CTNNA2: variants seen among roughly 807,000 people sequenced by gnomAD.
The protein encoded by CTNNA2 is catenin alpha 2.
A neutral mutation model predicts 101.0 loss-of-function variants in CTNNA2; 42 were observed. The ratio of observed to expected loss-of-function variants is 0.42; its 90% CI spans 0.32 to 0.54. The LOEUF (loss-of-function observed/expected upper bound fraction) is 0.54, where lower values mean the gene tolerates loss of function less well. CTNNA2 is among the 20% of genes least tolerant of loss of function. CTNNA2 has a pLI of 0.14. For synonymous variants in CTNNA2, 450 were observed against 456.4 expected (o/e 0.99, Z 0.18); for missense variants, 871 against 1,223.1 (o/e 0.71, Z 4.29).
intron 2 of CTNNA2, among the ~76,000 whole-genome samples, chr2:79,709,551 G>A (rs1194192699): frequency 6.6e-6 from 1 of 152,026 alleles, no homozygotes; most frequent in Admixed American, 6.6e-5. Context: ...AGCCAATTTT[G>A]GCTGTTATTA....
chr2:79,986,473 G>T (rs1691771378), intron 7 of CTNNA2, among the ~76,000 whole-genome samples: 1 of 152,090 alleles, frequency 6.6e-6, no homozygotes, highest in Non-Finnish European at 1.5e-5. Context: ...AATTCCCTAA[G>T]CTGTAATAGT....
Position 79,345,099 on chromosome 2 carries a change from G to GT in CTNNA2, c.-317-28723dup, listed in dbSNP as rs1400346592. ...TTGTTAATATTTTATTATGGAATGT[G>GT]TTTTTTTTTAAAAAAAAAAGCAAAA... On this transcript the variant is annotated intron_variant, in intron 3 of 21. Transcript: ENST00000466387. Among the ~76,000 whole-genome samples the GT allele has an allele frequency of 6.1e-3, 291 of 47,498 alleles. 2 individuals are homozygous for GT. The highest frequency in any genetic ancestry group is 0.013 in the African/African-American group (248 of 18,448). The allele number at this position is 47,498 out of a possible 152,430, so 31.2% of individuals were successfully genotyped here. A position where few individuals can be genotyped will look rare whatever the true frequency, so the allele number is the denominator to read the frequency against.
intron 17 of CTNNA2, among the ~76,000 whole-genome samples, chr2:80,615,691 T>C (rs1032275062): frequency 1.3e-5 from 2 of 151,712 alleles, no homozygotes; most frequent in Non-Finnish European, 3.0e-5. Flanking sequence ...TACTGTTGTC[T>C]ACATTCTGTC....
At chr2:79,373,524 C>T (rs918379258) in intron 3 of CTNNA2, among the ~76,000 whole-genome samples, 1 of 152,114 alleles carries the variant, frequency 6.6e-6, no homozygotes, top group Non-Finnish European at 1.5e-5. Flanking sequence ...TTGCATTTTT[C>T]AAGCACTCAG....
chr2:79,936,933 C>T (rs748794630), intron 7 of CTNNA2, among the ~76,000 whole-genome samples: 1 of 152,090 alleles, frequency 6.6e-6, no homozygotes, highest in South Asian at 2.1e-4. Context: ...AAGTAAGCCG[C>T]GAAAGAGCCA....
intron 7 of CTNNA2, among the ~76,000 whole-genome samples, chr2:80,308,524 C>G (rs183788289): frequency 6.6e-6 from 1 of 152,182 alleles, no homozygotes; most frequent in East Asian, 1.9e-4. Flanking sequence ...GGGCACATAC[C>G]ATACAGCTGG....
intron 15 of CTNNA2, among the ~76,000 whole-genome samples, chr2:80,594,159 C>A (rs575033833): frequency 6.6e-6 from 1 of 152,088 alleles, no homozygotes; most frequent in East Asian, 1.9e-4. Context: ...AACTTGTTTT[C>A]TGTTTTTTTC....
chr2:79,324,660 C>T (rs570567334), intron 3 of CTNNA2, among the ~76,000 whole-genome samples: 3 of 152,196 alleles, frequency 2.0e-5, no homozygotes, highest in African/African-American at 7.2e-5. Context: ...TTCTATGCCC[C>T]CAGGAACTGT....
chr2:79,250,630 G>C (rs928954318), intron 2 of CTNNA2, among the ~76,000 whole-genome samples: 1 of 152,132 alleles, frequency 6.6e-6, no homozygotes, highest in African/African-American at 2.4e-5. Flanking sequence ...GAGTCTCTGG[G>C]ATATCTGCTA....
At chr2:80,381,243 C>A (rs1397507819) in intron 7 of CTNNA2, among the ~76,000 whole-genome samples, 1 of 151,728 alleles carries the variant, frequency 6.6e-6, no homozygotes, top group East Asian at 2.0e-4. Context: ...GAGCACAGAG[C>A]TTGATAAGCT....
intron 7 of CTNNA2, among the ~76,000 whole-genome samples, chr2:79,964,851 G>C (rs1689920449): frequency 6.6e-6 from 1 of 151,986 alleles, no homozygotes. Context: ...AAACTTACAT[G>C]ATAACCCAGG....
At chr2:79,245,010 G>T (rs943003544) in intron 2 of CTNNA2, among the ~76,000 whole-genome samples, 2 of 151,674 alleles carry the variant, frequency 1.3e-5, no homozygotes, top group Admixed American at 6.6e-5. Flanking sequence ...CAGGAGAATC[G>T]CTTGAACTCG....
intron 7 of CTNNA2, among the ~76,000 whole-genome samples, chr2:80,047,955 T>G (rs960855012): frequency 6.6e-6 from 1 of 152,208 alleles, no homozygotes; most frequent in African/African-American, 2.4e-5. Context: ...TAATAGGGGG[T>G]CACTGAAAAT....
intron 7 of CTNNA2, among the ~76,000 whole-genome samples, chr2:80,076,002 G>C (rs1458582887): frequency 6.6e-6 from 1 of 151,376 alleles, no homozygotes; most frequent in Non-Finnish European, 1.5e-5. Flanking sequence ...GCCAGCTAAG[G>C]ACCTACTTTG....
chr2:79,767,141 C>T (rs1023549351), intron 3 of CTNNA2, among the ~76,000 whole-genome samples: 2 of 151,962 alleles, frequency 1.3e-5, no homozygotes, highest in African/African-American at 4.8e-5. Flanking sequence ...GACTCTAATG[C>T]ATTCTTCAGT....
intron 3 of CTNNA2, among the ~76,000 whole-genome samples, chr2:79,810,732 G>A (rs1052468761): frequency 6.6e-6 from 1 of 151,068 alleles, no homozygotes; most frequent in African/African-American, 2.4e-5. Flanking sequence ...CTGTGTCCAT[G>A]TGTTCTCATT....
chr2:79,882,847 C>T (rs970154307), intron 6 of CTNNA2, among the ~76,000 whole-genome samples: 1 of 152,158 alleles, frequency 6.6e-6, no homozygotes, highest in Non-Finnish European at 1.5e-5. Flanking sequence ...TTGCAAGTGG[C>T]GTCTTCCGAT....
intron 7 of CTNNA2, among the ~76,000 whole-genome samples, chr2:79,963,703 A>G (rs566756761): frequency 6.6e-6 from 1 of 152,290 alleles, no homozygotes; most frequent in Admixed American, 6.5e-5. Flanking sequence ...TATCCCAGCA[A>G]AACAATGGGC....
intron 2 of CTNNA2, among the ~76,000 whole-genome samples, chr2:79,719,595 T>A (rs1686343561): frequency 6.6e-6 from 1 of 152,220 alleles, no homozygotes; most frequent in African/African-American, 2.4e-5. Context: ...CCATTCTGAC[T>A]GGTATGAGAT....
Sources: gnomAD v4.1 joint callset for allele counts (sites outside exome capture counted in the v4.1 genomes callset) on GRCh38, gnomAD v4.1.1 for gene constraint, MANE v1.5 for transcripts, NCBI Gene and HGNC (gene_info 2026-07-23, HGNC 2026-07-21) for gene names.